Variants in PITPNC1 observed in about 807,000 individuals in gnomAD.
PITPNC1 encodes cytoplasmic phosphatidylinositol transfer protein 1.
Under a neutral mutation model 44.7 loss-of-function variants are expected in PITPNC1, and 18 were observed. The observed-to-expected ratio is 0.40, with a 90% CI of 0.28 to 0.60. The LOEUF (loss-of-function observed/expected upper bound fraction) is 0.60, where lower values mean the gene tolerates loss of function less well. PITPNC1 is among the 20% of genes least tolerant of loss of function. The pLI is 0.39. For missense variants in PITPNC1, 290 were observed against 418.4 expected (o/e 0.69, Z 2.68); for synonymous variants, 141 against 149.6 (o/e 0.94, Z 0.42).
chr17:67,447,258 G>A (rs1598674519), intron 1 of PITPNC1, among the ~76,000 whole-genome samples: 2 of 151,994 alleles, frequency 1.3e-5, no homozygotes, highest in East Asian at 3.9e-4. Context: ...GGCCACCTAG[G>A]GGATGGAGGC....
chr17:67,644,637 G>A (rs550640488), intron 6 of PITPNC1, among the ~76,000 whole-genome samples: 26 of 152,010 alleles, frequency 1.7e-4, no homozygotes, highest in East Asian at 1.4e-3. Context: ...GTTTCACCAC[G>A]TTGGTCAGGC....
rs571778836 is a variant in PITPNC1 at position 67,451,826 on chromosome 17, T to C, written c.48+73624T>C. On this transcript the variant is annotated intron_variant, in intron 1 of 8. Transcript: ENST00000581322. ...CTAATTTTTGTATTTTTAGTAGAGATGGAGTTTCACCATGCTAGCCAGGAT... is the reference window on the plus strand; with the variant it reads ...CTAATTTTTGTATTTTTAGTAGAGACGGAGTTTCACCATGCTAGCCAGGAT... Among the ~76,000 whole-genome samples, 276 of 151,518 alleles carry C rather than the reference T, an allele frequency of 1.8e-3. 10 individuals carry two copies. In the East Asian group the frequency reaches 0.052, roughly 29 times the overall value.
chr17:67,691,255 T>A (rs1050424628), intron 8 of PITPNC1, among the ~76,000 whole-genome samples: 1 of 152,326 alleles, frequency 6.6e-6, no homozygotes, highest in Admixed American at 6.5e-5. Context: ...CAACATATTA[T>A]GTCTCAAATG....
intron 5 of PITPNC1, among the ~76,000 whole-genome samples, chr17:67,578,490 A>G (rs2041181084): frequency 6.6e-6 from 1 of 152,224 alleles, no homozygotes; most frequent in African/African-American, 2.4e-5. Flanking sequence ...GCCTCTGAGC[A>G]GAAGCCTCTG....
At chr17:67,665,084 TTTTGTTTGTTTG>T (rs148943727) in intron 6 of PITPNC1, among the ~76,000 whole-genome samples, 3 of 151,128 alleles carry the variant, frequency 2.0e-5, no homozygotes, top group African/African-American at 4.9e-5. Flanking sequence ...TTTTTTGGGG[TTTTGTTTGTTTG>T]TTTGTTTGTT....
chr17:67,494,404 T>C (rs2144052563), intron 1 of PITPNC1, among the ~76,000 whole-genome samples: 1 of 152,146 alleles, frequency 6.6e-6, no homozygotes, highest in Middle Eastern at 3.4e-3. Flanking sequence ...TTCACCATCT[T>C]GGCCAGGCTG....
chr17:67,624,214 C>T (rs12941026), intron 5 of PITPNC1, among the ~76,000 whole-genome samples: 10,546 of 127,072 alleles, frequency 0.083, 525 homozygotes, highest in Middle Eastern at 0.16. Flanking sequence ...TCTTTCTTTT[C>T]TTTTTTTTTT....
intron 5 of PITPNC1, among the ~76,000 whole-genome samples, chr17:67,587,954 C>A (rs2041343056): frequency 6.6e-6 from 1 of 152,116 alleles, no homozygotes; most frequent in Non-Finnish European, 1.5e-5. Context: ...TTCAGGAGAG[C>A]TGTATTTATT....
chr17:67,576,724 G>A (rs1234777469), intron 4 of PITPNC1, among the ~76,000 whole-genome samples: 1 of 152,130 alleles, frequency 6.6e-6, no homozygotes, highest in Non-Finnish European at 1.5e-5. Flanking sequence ...AGCGAGACTG[G>A]GGCTGTAGGG....
At chr17:67,458,802 T>G (rs1244505067) in intron 1 of PITPNC1, among the ~76,000 whole-genome samples, 1 of 152,230 alleles carries the variant, frequency 6.6e-6, no homozygotes, top group Non-Finnish European at 1.5e-5. Context: ...GTGAGGCTCC[T>G]TCAGAACAAT....
chr17:67,671,108 G>A (rs1002603297), intron 7 of PITPNC1, among the ~76,000 whole-genome samples: 13 of 152,090 alleles, frequency 8.5e-5, no homozygotes, highest in African/African-American at 2.7e-4. Flanking sequence ...GGATGGTCTC[G>A]ATCTCTTGAC....
At position 67,695,124 on chromosome 17, in the gene PITPNC1, A is replaced by G. The variant is rs1447767581; in HGVS notation, c.*2236A>G. ...TGTGAGTTTCATTTCTTTTATAACCAGTATGTTACCACAGACATCAGTTGC... is the reference window on the plus strand; with the variant it reads ...TGTGAGTTTCATTTCTTTTATAACCGGTATGTTACCACAGACATCAGTTGC... On this transcript the variant is annotated 3_prime_UTR_variant, in exon 9 of 9. Coordinates refer to ENST00000581322, the MANE Select transcript of PITPNC1 (RefSeq NM_012417.4). The G allele has an allele frequency of 6.6e-6, 1 of 152,160 alleles. No homozygotes were observed. Among genetic ancestry groups the G allele is most frequent in the Non-Finnish European group, 1.5e-5 (1 of 68,036 alleles). 9.4% of individuals were successfully genotyped at this position (152,160 alleles called of 1,614,324 possible).
At chr17:67,521,454 C>T (rs534588656) in intron 1 of PITPNC1, among the ~76,000 whole-genome samples, 1 of 152,258 alleles carries the variant, frequency 6.6e-6, no homozygotes, top group Admixed American at 6.5e-5. Flanking sequence ...GCACTGATAT[C>T]CTGAAATATG....
intron 1 of PITPNC1, among the ~76,000 whole-genome samples, chr17:67,531,437 G>C (rs1249283572): frequency 1.3e-5 from 2 of 152,102 alleles, no homozygotes; most frequent in East Asian, 1.9e-4. Context: ...ACAGTCCTTC[G>C]AGAAGACCCA....
intron 1 of PITPNC1, among the ~76,000 whole-genome samples, chr17:67,452,564 G>A (rs2039197856): frequency 6.8e-6 from 1 of 147,368 alleles, no homozygotes; most frequent in Non-Finnish European, 1.5e-5. Flanking sequence ...CCAGGCTGGA[G>A]TCACTGCAAC....
intron 5 of PITPNC1, among the ~76,000 whole-genome samples, chr17:67,602,446 T>G (rs1598873947): frequency 6.6e-6 from 1 of 151,458 alleles, no homozygotes; most frequent in African/African-American, 2.4e-5. Flanking sequence ...GGAATGGAGG[T>G]GAAGGTCGTT....
At chr17:67,473,646 G>A (rs1415287903) in intron 1 of PITPNC1, among the ~76,000 whole-genome samples, 8 of 152,100 alleles carry the variant, frequency 5.3e-5, no homozygotes, top group Non-Finnish European at 1.2e-4. Flanking sequence ...GTCTTGTTAT[G>A]TTTCCCAGGC....
In PITPNC1 at chr17:67,531,174, C is replaced by T. The variant is rs974864777; in HGVS notation, c.49-1628C>T. Among the ~76,000 whole-genome samples the T allele has an allele frequency of 3.3e-5, 5 of 152,052 alleles. No individual in the cohort carries two copies. In the East Asian group the frequency reaches 7.7e-4, roughly 23 times the overall value. ...GGGAGGATTGCTTGAGCCTGGGAGGCGGAGGTTGCAATGATCTGAGATCAC... is the reference window on the plus strand; with the variant it reads ...GGGAGGATTGCTTGAGCCTGGGAGGTGGAGGTTGCAATGATCTGAGATCAC... On this transcript the variant is annotated intron_variant, in intron 1 of 8. Coordinates refer to ENST00000581322, the MANE Select transcript of PITPNC1 (RefSeq NM_012417.4).
intron 5 of PITPNC1, among the ~76,000 whole-genome samples, chr17:67,585,091 G>C (rs189495955): frequency 1.5e-5 from 2 of 137,026 alleles, no homozygotes; most frequent in Admixed American, 1.6e-4. Context: ...ACTCCAGACT[G>C]AGCAACAAGA....
Sources: gnomAD v4.1 joint callset for allele counts (sites outside exome capture counted in the v4.1 genomes callset) on GRCh38, gnomAD v4.1.1 for gene constraint, MANE v1.5 for transcripts, NCBI Gene and HGNC (gene_info 2026-07-23, HGNC 2026-07-21) for gene names.